Variants in PGCKA1 observed in about 807,000 individuals in gnomAD.
PGCKA1 encodes PDCD10 and GCKIII kinases-associated protein 1.
the PGCKA1 span, among the ~76,000 whole-genome samples, chr4:37,592,194 G>A: frequency 7.3e-6 from 1 of 136,858 alleles, no homozygotes; most frequent in Non-Finnish European, 1.6e-5. Flanking sequence ...GGGTGACAGT[G>A]CAAGACTCCA....
the PGCKA1 span, among the ~76,000 whole-genome samples, chr4:37,498,284 C>G: frequency 6.6e-6 from 1 of 152,158 alleles, no homozygotes; most frequent in Non-Finnish European, 1.5e-5. Flanking sequence ...GTTTTTATAC[C>G]AGTACCATGC....
the PGCKA1 span, among the ~76,000 whole-genome samples, chr4:37,520,148 T>C: frequency 2.0e-5 from 3 of 152,230 alleles, no homozygotes. Context: ...TAAGGTATTG[T>C]TGAATTCAGT....
At chr4:37,483,707 T>A in the PGCKA1 span, among the ~76,000 whole-genome samples, 1 of 152,192 alleles carries the variant, frequency 6.6e-6, no homozygotes, top group African/African-American at 2.4e-5. Context: ...TGGATTTTTT[T>A]TCCTAATGAT....
chr4:37,590,952 A>G, the PGCKA1 span: 1 of 1,613,904 alleles, frequency 6.2e-7, no homozygotes, highest in Non-Finnish European at 8.5e-7. Context: ...AGGCCCTTGC[A>G]GCTTTAGAAG....
At chr4:37,511,184 T>G in the PGCKA1 span, among the ~76,000 whole-genome samples, 170 of 152,242 alleles carry the variant, frequency 1.1e-3, no homozygotes, top group Non-Finnish European at 1.3e-3. Context: ...AAGAGCCCAC[T>G]TGATATTCCA....
the PGCKA1 span, among the ~76,000 whole-genome samples, chr4:37,509,329 G>GGCT: frequency 7.8e-6 from 1 of 128,738 alleles, no homozygotes; most frequent in African/African-American, 3.1e-5. Context: ...CAGACAGGGC[G>GGCT]GCCGGGCAGA....
At chr4:37,524,041 C>G in the PGCKA1 span, among the ~76,000 whole-genome samples, 67 of 152,338 alleles carry the variant, frequency 4.4e-4, no homozygotes, top group African/African-American at 1.6e-3. Context: ...TCTTTCACAG[C>G]TAAATTGGCA....
chr4:37,578,649 C>T, the PGCKA1 span, among the ~76,000 whole-genome samples: 22,588 of 152,006 alleles, frequency 0.15, 4,608 homozygotes, highest in African/African-American at 0.46. Context: ...TGTCTTCCTT[C>T]TAATGTAGGT....
chr4:37,587,153 TCACATTGC>T, the PGCKA1 span, among the ~76,000 whole-genome samples: 2 of 152,256 alleles, frequency 1.3e-5, no homozygotes, highest in Non-Finnish European at 2.9e-5. Context: ...GCCTTTTTGG[TCACATTGC>T]CTCTTCCTCT....
the PGCKA1 span, among the ~76,000 whole-genome samples, chr4:37,541,894 C>T: frequency 1.3e-5 from 2 of 152,126 alleles, no homozygotes; most frequent in Non-Finnish European, 2.9e-5. Flanking sequence ...GGAGAGAGTC[C>T]AGTGGCGGCA....
chr4:37,563,086 T>G, the PGCKA1 span, among the ~76,000 whole-genome samples: 1 of 150,566 alleles, frequency 6.6e-6, no homozygotes, highest in Non-Finnish European at 1.5e-5. Flanking sequence ...AGGTTTTTTC[T>G]TGTCTTCCGA....
chr4:37,586,067 C>T, the PGCKA1 span, among the ~76,000 whole-genome samples: 3 of 151,208 alleles, frequency 2.0e-5, no homozygotes, highest in African/African-American at 7.3e-5. Flanking sequence ...TATGCTGTAT[C>T]CAAATGGGGT....
At chr4:37,534,670 G>A in the PGCKA1 span, among the ~76,000 whole-genome samples, 1 of 152,316 alleles carries the variant, frequency 6.6e-6, no homozygotes, top group East Asian at 1.9e-4. Flanking sequence ...AGGGCTTGCT[G>A]TCACCCATAA....
the PGCKA1 span, among the ~76,000 whole-genome samples, chr4:37,566,500 C>T: frequency 1.3e-5 from 2 of 152,078 alleles, no homozygotes; most frequent in South Asian, 4.1e-4. Flanking sequence ...AGGCTGGTCT[C>T]GAACTCCCGA....
chr4:37,582,650 C>A, the PGCKA1 span, among the ~76,000 whole-genome samples: 17 of 152,174 alleles, frequency 1.1e-4, no homozygotes, highest in Admixed American at 1.1e-3. Flanking sequence ...TCAGAGTATG[C>A]TCTTTTGTCA....
the PGCKA1 span, among the ~76,000 whole-genome samples, chr4:37,480,863 T>A: frequency 6.6e-6 from 1 of 152,272 alleles, no homozygotes; most frequent in Non-Finnish European, 1.5e-5. Context: ...TGATGCCTTT[T>A]GGATTTAGGC....
At chr4:37,562,963 C>G in the PGCKA1 span, among the ~76,000 whole-genome samples, 3 of 152,156 alleles carry the variant, frequency 2.0e-5, no homozygotes, top group Non-Finnish European at 4.4e-5. Flanking sequence ...TTTAAGGCCT[C>G]TAAACCGTGC....
At chr4:37,544,663 T>TA in the PGCKA1 span, among the ~76,000 whole-genome samples, 197 of 151,148 alleles carry the variant, frequency 1.3e-3, no homozygotes, top group African/African-American at 4.4e-3. Flanking sequence ...GTTCTCTGAT[T>TA]AAAAAAAAAC....
chr4:37,460,341 G>T, the PGCKA1 span: 1 of 237,406 alleles, frequency 4.2e-6, no homozygotes, highest in Non-Finnish European at 8.5e-6. Flanking sequence ...ATATTCCTTT[G>T]GGTATATACC....
Sources: allele counts gnomAD v4.1 joint callset (sites outside exome capture counted in the v4.1 genomes callset), GRCh38; gene constraint gnomAD v4.1.1; transcripts MANE v1.5; gene names NCBI Gene and HGNC (gene_info 2026-07-23, HGNC 2026-07-21).